The following ZBTB7C variants were observed in gnomAD, a reference collection of about 807,000 sequenced individuals.
ZBTB7C encodes zinc finger and BTB domain-containing protein 7C.
In ZBTB7C, 8 loss-of-function variants were observed where a neutral mutation model predicts 25.7. That is an observed-to-expected ratio of 0.31 (90% confidence interval 0.18 to 0.56). ZBTB7C has a LOEUF of 0.56. Ranked by LOEUF, ZBTB7C falls within the 20% of genes least tolerant of loss-of-function variation. ZBTB7C has a pLI of 0.91. For synonymous variants in ZBTB7C, 394 were observed against 369.0 expected, an observed-to-expected ratio of 1.07 and a Z score of -0.78; for missense variants, 824 against 855.2, an observed-to-expected ratio of 0.96 and a Z score of 0.46.
chr18:48,264,661 C>T (rs946916408), intron 2 of ZBTB7C, among the ~76,000 whole-genome samples: 1 of 151,634 alleles, frequency 6.6e-6, no homozygotes, highest in African/African-American at 2.4e-5. Flanking sequence ...GCAACAGCCT[C>T]CTTGACATCA....
rs777216355 is a variant in ZBTB7C, at chr18:48,029,930, G to T, written c.1209-19C>A. ...GTCCTGCCTGCAATGCAGAGACTGG[G>T]GGTCAGTCCCGCAGGGAACACCAGG... is the stretch of plus-strand genomic sequence containing the variant. On this transcript the variant is annotated intron_variant, in intron 4 of 4. Transcript: ENST00000590800. 3.1e-6 allele frequency: 5 copies of T among 1,609,370 alleles called. No individual in the cohort carries two copies. The East Asian group carries it at 8.9e-5, about 29-fold the overall frequency.
Position 48,040,712 on chromosome 18 carries a change from G to A in ZBTB7C, c.396C>T (p.Asp132=), listed in dbSNP as rs139390741. The part of the protein sequence containing the change: ...VCLEIMEPGG[D]GGEEDDKEDD... Reference sequence around the variant, plus strand: ...CCTCCTTGTCATCCTCCTCCCCCCCGTCCCCCCCAGGCTCCATGATCTCCA... The same window carrying A: ...CCTCCTTGTCATCCTCCTCCCCCCCATCCCCCCCAGGCTCCATGATCTCCA... Residue 132 remains aspartate (D), a synonymous_variant, in exon 4 of 5, where the codon GAC becomes GAT. Transcript: ENST00000590800. 2.2e-4 allele frequency: 316 copies of A among 1,428,510 alleles called. 5 individuals are homozygous for A. In the African/African-American group the frequency reaches 3.8e-3, roughly 17 times the overall value. 88.5% of individuals were successfully genotyped at this position (1,428,510 alleles called of 1,614,324 possible).
At chr18:48,377,608 C>A (rs2047548660) in intron 1 of ZBTB7C, among the ~76,000 whole-genome samples, 1 of 152,212 alleles carries the variant, frequency 6.6e-6, no homozygotes, top group African/African-American at 2.4e-5. Flanking sequence ...CTCCCCAAAC[C>A]CTTTTAGAAC....
At chr18:48,382,810 G>A (rs1161515207) in intron 1 of ZBTB7C, among the ~76,000 whole-genome samples, 1 of 152,166 alleles carries the variant, frequency 6.6e-6, no homozygotes, top group Non-Finnish European at 1.5e-5. Flanking sequence ...ATGGCCCATG[G>A]AATAACAGAG....
At chr18:48,374,169 C>G (rs74668113) in intron 1 of ZBTB7C, 2,631 of 152,378 alleles carry the variant, frequency 0.017, 30 homozygotes, top group Middle Eastern at 0.054. Context: ...TATAACTTAC[C>G]CAGTCTCAGG....
chr18:48,194,778 C>T (rs1244614819), intron 2 of ZBTB7C, among the ~76,000 whole-genome samples: 1 of 150,894 alleles, frequency 6.6e-6, no homozygotes, highest in Non-Finnish European at 1.5e-5. Context: ...CCAGCTGACT[C>T]TGGGCTTGAG....
intron 3 of ZBTB7C, among the ~76,000 whole-genome samples, chr18:48,091,953 G>A (rs2144556639): frequency 6.6e-6 from 1 of 152,330 alleles, no homozygotes; most frequent in South Asian, 2.1e-4. Context: ...TGGGTCAAGT[G>A]GTGGAGAGAT....
intron 2 of ZBTB7C, among the ~76,000 whole-genome samples, chr18:48,253,943 G>A (rs909881514): frequency 2.6e-5 from 4 of 152,078 alleles, no homozygotes. Flanking sequence ...CTCAAAAATT[G>A]CTTGTTTTTT....
chr18:48,356,058 G>A (rs553932347), intron 1 of ZBTB7C, among the ~76,000 whole-genome samples: 1 of 1,858 alleles, frequency 5.4e-4, no homozygotes, highest in South Asian at 0.042. Context: ...CTGGTGGTGG[G>A]GCCCAGCACC....
rs370502721 is a variant in ZBTB7C at position 48,334,608 on chromosome 18, G to A, written c.-79+3566C>T. ...GCTATTTAACTCATTCTTCAGATGG[G>A]GCTGGGCATAGGGCAGTGGCCAGAG... On this transcript the variant is annotated intron_variant, in intron 2 of 4. Transcript: ENST00000590800. Among the ~76,000 whole-genome samples the A allele has an allele frequency of 1.8e-3, 275 of 152,262 alleles. 12 individuals are homozygous for A. In the South Asian group the frequency reaches 0.056, roughly 31 times the overall value.
chr18:48,333,193 T>C lies in ZBTB7C; in HGVS notation c.-79+4981A>G, dbSNP rs565592750. Among the ~76,000 whole-genome samples the C allele has an allele frequency of 1.4e-4, 21 of 152,378 alleles. No individual in the cohort carries two copies. The East Asian group carries it at 3.7e-3, about 27-fold the overall frequency. On this transcript the variant is annotated intron_variant, in intron 2 of 4. Transcript: ENST00000590800. Reference sequence around the variant, plus strand: ...AAATTAAAATTGTTAAATACTCATATGAAGGTTGTCAGTCAAGGGCAATGT... The same window carrying C: ...AAATTAAAATTGTTAAATACTCATACGAAGGTTGTCAGTCAAGGGCAATGT...
rs370122291 is a variant in ZBTB7C at position 48,040,035 on chromosome 18, A to C, written c.1073T>G (p.Leu358Arg). 1.9e-6 allele frequency: 3 copies of C among 1,614,114 alleles called. No homozygotes were observed. The highest frequency in any genetic ancestry group is 8.5e-7 in the Non-Finnish European group (1 of 1,180,020). ...GCACTGCTGAGAGGCCTTGGGCTTC[A>C]GCTTGCGCTCTTCTACCAGGGGCCA... ...PPWPLVEERK[L>R]KPKASQQCPI... Residue 358 changes from leucine (L) to arginine (R), a missense_variant, in exon 4 of 5, where the codon CTG (leucine) becomes CGG (arginine). By Grantham distance (102) the Leu-to-Arg change is moderately radical (BLOSUM62 -2). Transcript: ENST00000590800.
rs1434190770 is a variant in ZBTB7C at position 48,029,484 on chromosome 18, C to A, written c.1636G>T (p.Glu546Ter). 6.3e-7 allele frequency: 1 copy of A among 1,596,118 alleles called. No homozygotes were observed. The highest frequency in any genetic ancestry group is 8.5e-7 in the Non-Finnish European group (1 of 1,175,560). ...AAPKGALSLQ[E>*]LERQFEETQM... ...GTCTCCTCGAACTGCCGCTCCAGCT[C>A]TTGCAGGCTCAGGGCGCCCTTGGGC... Residue 546 changes from glutamate to a stop codon, truncating the protein, a stop_gained, in exon 5 of 5, where the codon GAG becomes TAG. Transcript: ENST00000590800. LOFTEE classifies it high-confidence loss of function.
intron 3 of ZBTB7C, among the ~76,000 whole-genome samples, chr18:48,092,497 T>TA (rs879886528): frequency 9.2e-5 from 14 of 152,226 alleles, no homozygotes; most frequent in Admixed American, 5.2e-4. Flanking sequence ...GTGAATCACT[T>TA]AAAAAATGCT....
At chr18:48,049,435 T>C (rs1380044352) in intron 3 of ZBTB7C, among the ~76,000 whole-genome samples, 1 of 152,092 alleles carries the variant, frequency 6.6e-6, no homozygotes. Context: ...CAAGGCAGGG[T>C]CTATTTCTTG....
chr18:48,087,684 A>G (rs987897769), intron 3 of ZBTB7C: 11 of 152,030 alleles, frequency 7.2e-5, no homozygotes, highest in Non-Finnish European at 1.3e-4. Flanking sequence ...AGTCCCGACT[A>G]CTTGGGAGGC....
chr18:48,130,350 C>T (rs1206873844), intron 3 of ZBTB7C, among the ~76,000 whole-genome samples: 1 of 152,122 alleles, frequency 6.6e-6, no homozygotes, highest in Non-Finnish European at 1.5e-5. Context: ...GCTCTGGGGG[C>T]TTTAAGGGAA....
At chr18:48,283,448 C>T (rs886466351) in intron 2 of ZBTB7C, among the ~76,000 whole-genome samples, 1 of 152,090 alleles carries the variant, frequency 6.6e-6, no homozygotes, top group East Asian at 1.9e-4. Flanking sequence ...AATGCAAACA[C>T]CCAAGCAGAA....
chr18:48,397,103 A>G (rs1217290265), intron 1 of ZBTB7C, among the ~76,000 whole-genome samples: 1 of 152,250 alleles, frequency 6.6e-6, no homozygotes, highest in Admixed American at 6.5e-5. Context: ...AGTACTTGGT[A>G]TCAAGTGGAT....
Sources: allele counts gnomAD v4.1 joint callset (sites outside exome capture counted in the v4.1 genomes callset), GRCh38; gene constraint gnomAD v4.1.1; transcripts MANE v1.5; gene names NCBI Gene and HGNC (gene_info 2026-07-23, HGNC 2026-07-21).